INPP4B: variants seen among roughly 807,000 people sequenced by gnomAD.
The protein encoded by INPP4B is inositol polyphosphate 4-phosphatase type II.
In INPP4B, 55 loss-of-function variants were observed where a neutral mutation model predicts 122.5. That is an observed-to-expected ratio of 0.45 (90% CI 0.36 to 0.56). The LOEUF is 0.56. Among genes scored for constraint, INPP4B ranks in the 20% least tolerant of loss-of-function variants. The pLI is 0.00. For synonymous variants in INPP4B, 403 were observed against 388.7 expected (o/e 1.04, Z -0.43); for missense variants, 1,000 against 1,097.7 (o/e 0.91, Z 1.26).
chr4:142,840,180 A>AG (rs779107203), intron 1 of INPP4B, among the ~76,000 whole-genome samples: 13 of 152,204 alleles, frequency 8.5e-5, no homozygotes, highest in Non-Finnish European at 1.5e-4. Context: ...TGACCGGGTC[A>AG]TCACTATAAC....
intron 2 of INPP4B, among the ~76,000 whole-genome samples, chr4:142,496,436 G>T (rs902476444): frequency 1.7e-4 from 26 of 152,222 alleles, no homozygotes; most frequent in African/African-American, 5.3e-4. Flanking sequence ...GTATACAGTA[G>T]TAAAATTTCT....
rs182742729 is a variant in INPP4B, at chr4:142,474,939, C to G, written c.-190-12213G>C. On this transcript the variant is annotated intron_variant, in intron 2 of 25. Transcript: ENST00000262992. ...GGTAAGGTAAGAAACTCCACTCACA[C>G]CCACCTGTCATAGCCAGATAGGCCA... Among the ~76,000 whole-genome samples the G allele has an allele frequency of 2.0e-5, 3 of 152,354 alleles. No individual in the cohort carries two copies. The East Asian group carries it at 5.8e-4, about 29-fold the overall frequency.
intron 2 of INPP4B, among the ~76,000 whole-genome samples, chr4:142,710,891 C>T (rs748756268): frequency 1.3e-5 from 2 of 152,212 alleles, no homozygotes; most frequent in Non-Finnish European, 2.9e-5. Flanking sequence ...AAATGATTCT[C>T]TTCCCATCAC....
At chr4:142,134,992 T>C (rs1803319025) in intron 18 of INPP4B, among the ~76,000 whole-genome samples, 1 of 152,160 alleles carries the variant, frequency 6.6e-6, no homozygotes, top group Admixed American at 6.6e-5. Flanking sequence ...GTTTGTATTT[T>C]ATAAAATAAA....
At chr4:142,813,698 C>T (rs562437562) in intron 1 of INPP4B, among the ~76,000 whole-genome samples, 15 of 152,020 alleles carry the variant, frequency 9.9e-5, no homozygotes, top group Admixed American at 3.3e-4. Context: ...CACAGTGCAA[C>T]CAACAAAATA....
intron 17 of INPP4B, among the ~76,000 whole-genome samples, chr4:142,152,548 C>A (rs1814781303): frequency 6.6e-6 from 1 of 152,084 alleles, no homozygotes. Flanking sequence ...CCGACTGTCA[C>A]ATAACGACTC....
At chr4:142,317,951 T>C (rs372595417) in intron 7 of INPP4B, among the ~76,000 whole-genome samples, 1 of 152,198 alleles carries the variant, frequency 6.6e-6, no homozygotes, top group Non-Finnish European at 1.5e-5. Flanking sequence ...AGTGGAGTTT[T>C]ATTCCACTGA....
At chr4:142,380,372 C>T (rs751635428) in intron 7 of INPP4B, among the ~76,000 whole-genome samples, 3 of 152,120 alleles carry the variant, frequency 2.0e-5, no homozygotes, top group African/African-American at 4.8e-5. Context: ...TCTCTACAGA[C>T]GTTGAGCAGG....
intron 3 of INPP4B, among the ~76,000 whole-genome samples, chr4:142,443,357 T>C (rs1387958956): frequency 6.6e-6 from 1 of 152,018 alleles, no homozygotes. Flanking sequence ...ACAGCAGTAA[T>C]TGCAGGAAAA....
At chr4:142,654,843 T>G (rs1404909930) in intron 2 of INPP4B, among the ~76,000 whole-genome samples, 4 of 152,198 alleles carry the variant, frequency 2.6e-5, no homozygotes, top group Non-Finnish European at 5.9e-5. Context: ...GCAGATCCTG[T>G]CTTCAAAATA....
At chr4:142,627,146 T>C (rs1349594663) in intron 2 of INPP4B, among the ~76,000 whole-genome samples, 2 of 152,174 alleles carry the variant, frequency 1.3e-5, no homozygotes, top group Non-Finnish European at 2.9e-5. Flanking sequence ...TTCAGTCAAC[T>C]GCACCACCTT....
At chr4:142,463,439 A>C (rs545289627) in intron 2 of INPP4B, among the ~76,000 whole-genome samples, 1 of 152,214 alleles carries the variant, frequency 6.6e-6, no homozygotes, top group African/African-American at 2.4e-5. Flanking sequence ...TCACACCTCC[A>C]TGTGACTCCA....
intron 2 of INPP4B, among the ~76,000 whole-genome samples, chr4:142,667,925 CA>C (rs1180116266): frequency 6.6e-6 from 1 of 152,098 alleles, no homozygotes; most frequent in African/African-American, 2.4e-5. Context: ...TGCCATCAAA[CA>C]AAAGTCTGGG....
At chr4:142,116,735 C>T (rs1793707766) in intron 21 of INPP4B, among the ~76,000 whole-genome samples, 1 of 152,098 alleles carries the variant, frequency 6.6e-6, no homozygotes, top group African/African-American at 2.4e-5. Context: ...GACACCCTAA[C>T]ATCACAATTA....
chr4:142,133,232 C>T (rs192610510), intron 18 of INPP4B, among the ~76,000 whole-genome samples: 477 of 152,258 alleles, frequency 3.1e-3, no homozygotes, highest in Non-Finnish European at 6.0e-3. Context: ...ATTATTCAGT[C>T]TCGTGTCTTT....
rs1415815430 is a variant in INPP4B, at chr4:142,028,816, G to T, written c.2741C>A (p.Pro914His). The stretch of plus-strand genomic sequence containing the variant: ...AGCTTTTCCATAAGTCCCCTCTGGA[G>T]GTCTGTAGTACTTGGGGAAAGCCAT... ...QLMAFPKYYRPPEGTYGKADT is the reference protein window; with the variant it reads ...QLMAFPKYYRHPEGTYGKADT The change falls in exon 26 of 26, where the codon CCT becomes CAT. Residue 914 changes from proline to histidine, a missense_variant. By Grantham distance (77) the Pro-to-His change is moderately conservative. Coordinates refer to ENST00000262992, the MANE Select transcript of INPP4B (RefSeq NM_001101669.3). 2.5e-6 allele frequency: 4 copies of T among 1,613,072 alleles called. No individual in the cohort carries two copies. The highest frequency in any genetic ancestry group is 1.3e-5 in the African/African-American group (1 of 74,874).
At chr4:142,302,981 A>T (rs1342761051) in intron 9 of INPP4B, among the ~76,000 whole-genome samples, 4 of 152,290 alleles carry the variant, frequency 2.6e-5, no homozygotes, top group Non-Finnish European at 5.9e-5. Flanking sequence ...AAACCACTTT[A>T]TACATCAGAG....
At chr4:142,105,643 G>T (rs1323312011) in intron 23 of INPP4B, among the ~76,000 whole-genome samples, 3 of 152,040 alleles carry the variant, frequency 2.0e-5, no homozygotes, top group East Asian at 3.9e-4. Flanking sequence ...CTTTGGAGAA[G>T]AAACACTTTT....
chr4:142,276,147 C>T (rs911951229), intron 9 of INPP4B, among the ~76,000 whole-genome samples: 1 of 151,842 alleles, frequency 6.6e-6, no homozygotes, highest in Non-Finnish European at 1.5e-5. Flanking sequence ...CCAATAGCAA[C>T]ATTCCAATTA....
Sources: allele counts gnomAD v4.1 joint callset (sites outside exome capture counted in the v4.1 genomes callset), GRCh38; gene constraint gnomAD v4.1.1; transcripts MANE v1.5; gene names NCBI Gene and HGNC (gene_info 2026-07-23, HGNC 2026-07-21).